Variants in COLGALT2 observed in about 807,000 individuals in gnomAD.
COLGALT2 encodes collagen beta(1-O)galactosyltransferase 2.
In COLGALT2, 49 loss-of-function variants were observed where a neutral mutation model predicts 73.4. The observed-to-expected ratio is 0.67, with a 90% CI of 0.53 to 0.85. COLGALT2 has a LOEUF of 0.85. Among genes scored for constraint, COLGALT2 ranks in the 40% least tolerant of loss-of-function variants. COLGALT2 has a pLI of 0.00. For synonymous variants in COLGALT2, 295 were observed against 307.6 expected, an observed-to-expected ratio of 0.96 and a Z score of 0.43; for missense variants, 722 against 790.2, an observed-to-expected ratio of 0.91 and a Z score of 1.03.
intron 1 of COLGALT2, among the ~76,000 whole-genome samples, chr1:183,979,302 T>G (rs538651735): frequency 4.6e-5 from 7 of 152,098 alleles, no homozygotes; most frequent in South Asian, 2.1e-4. Context: ...AATGAAGAGA[T>G]AATGAAATGA....
At chr1:184,027,769 G>A (rs1649373582) in intron 1 of COLGALT2, among the ~76,000 whole-genome samples, 1 of 152,176 alleles carries the variant, frequency 6.6e-6, no homozygotes, top group Non-Finnish European at 1.5e-5. Flanking sequence ...GCTTACAATG[G>A]AAACCAACGT....
chr1:184,033,118 C>G (rs1361282002), intron 1 of COLGALT2, among the ~76,000 whole-genome samples: 3 of 152,210 alleles, frequency 2.0e-5, no homozygotes, highest in Non-Finnish European at 4.4e-5. Flanking sequence ...CTGTGAATCC[C>G]AACTGTCTTC....
At chr1:183,969,236 C>T in intron 5 of COLGALT2, 33 bp downstream of exon 5, 1 of 1,555,738 alleles carries the variant, frequency 6.4e-7, no homozygotes, top group Non-Finnish European at 8.8e-7. Flanking sequence ...GCTGTGTCTC[C>T]ATTGTGGCAC....
chr1:183,931,135 T>C (rs1669836707), downstream of COLGALT2, among the ~76,000 whole-genome samples: 1 of 152,174 alleles, frequency 6.6e-6, no homozygotes, highest in African/African-American at 2.4e-5. Context: ...TGCCCAAGTT[T>C]TAGGGACAGA....
chr1:183,963,788 C>A (rs951365270), intron 6 of COLGALT2, 113 bp downstream of exon 6: 1 of 1,145,390 alleles, frequency 8.7e-7, no homozygotes. Flanking sequence ...ATGTATTCAG[C>A]CAGGGGAGAC....
chr1:183,951,168 G>C, intron 7 of COLGALT2, 55 bp from the exon 8 acceptor site: 1 of 1,304,910 alleles, frequency 7.7e-7, no homozygotes, highest in South Asian at 1.2e-5. Flanking sequence ...TCTTCTTTTA[G>C]GCTGTTTGAA....
downstream of COLGALT2, among the ~76,000 whole-genome samples, chr1:183,933,266 C>CAG (rs773521617): frequency 2.0e-5 from 3 of 152,148 alleles, no homozygotes; most frequent in Non-Finnish European, 1.5e-5. Flanking sequence ...CTCTTCTCCC[C>CAG]ACTCCTTGCA....
At chr1:183,954,568 A>G (rs1238443904) in intron 7 of COLGALT2, among the ~76,000 whole-genome samples, 194 bp downstream of exon 7, 1 of 152,272 alleles carries the variant, frequency 6.6e-6, no homozygotes, top group Non-Finnish European at 1.5e-5. Flanking sequence ...TACATTTATC[A>G]TGATACTCCT....
At chr1:184,014,256 A>G (rs1465798571) in intron 1 of COLGALT2, among the ~76,000 whole-genome samples, 1 of 152,222 alleles carries the variant, frequency 6.6e-6, no homozygotes, top group Non-Finnish European at 1.5e-5. Flanking sequence ...TTGAGAAATG[A>G]GTAAGCCAAA....
In COLGALT2 at chr1:183,936,525, A is replaced by G; in HGVS notation, c.*2236T>C. The G allele has an allele frequency of 2.0e-6, 2 of 1,009,816 alleles. No individual in the cohort carries two copies. Among genetic ancestry groups the G allele is most frequent in the Non-Finnish European group, 2.4e-6 (2 of 843,794 alleles). The allele number at this position is 1,009,816 out of a possible 1,614,324, so 62.6% of individuals were successfully genotyped here. On this transcript the variant is annotated 3_prime_UTR_variant, in exon 12 of 12. Coordinates refer to ENST00000361927, the MANE Select transcript of COLGALT2 (RefSeq NM_015101.4). ...TCAGACCAGCTGACAGGGGAACAGG[A>G]AAAAAAAAATTCTCTATTAAACAAA... is the stretch of plus-strand genomic sequence containing the variant.
chr1:183,939,545 G>A lies in COLGALT2; in HGVS notation c.1605-508C>T, dbSNP rs578253215. The stretch of plus-strand genomic sequence containing the variant: ...TTGGCCTCCCTCTCAGGGCTCCTGT[G>A]CAGAGTACATGAGGTGACATCTGAA... On this transcript the variant is annotated intron_variant, in intron 11 of 11. Coordinates refer to ENST00000361927, the MANE Select transcript of COLGALT2 (RefSeq NM_015101.4). Among the ~76,000 whole-genome samples the A allele has an allele frequency of 6.6e-4, 100 of 152,314 alleles. 1 individual carries two copies. Among genetic ancestry groups the A allele is most frequent in the African/African-American group, 2.1e-3 (87 of 41,568 alleles).
chr1:183,934,812 T>C (rs1312691455), downstream of COLGALT2, among the ~76,000 whole-genome samples: 1 of 152,206 alleles, frequency 6.6e-6, no homozygotes, highest in Non-Finnish European at 1.5e-5. Flanking sequence ...AGTGGGAATA[T>C]TTCTTGTTTT....
intron 1 of COLGALT2, among the ~76,000 whole-genome samples, chr1:184,003,463 T>A (rs1671984310): frequency 6.6e-6 from 1 of 152,172 alleles, no homozygotes; most frequent in South Asian, 2.1e-4. Flanking sequence ...TGTCTTCAAA[T>A]CCGTCCAGTC....
chr1:183,935,465 A>G (rs970767029), downstream of COLGALT2, among the ~76,000 whole-genome samples: 1 of 152,086 alleles, frequency 6.6e-6, no homozygotes, highest in African/African-American at 2.4e-5. Context: ...TGCTGCTGTT[A>G]TTTTTCCCCA....
chr1:184,003,436 C>A (rs945678185), intron 1 of COLGALT2, among the ~76,000 whole-genome samples: 7 of 152,176 alleles, frequency 4.6e-5, no homozygotes, highest in African/African-American at 1.7e-4. Context: ...CCGATAGATG[C>A]TCTGCTCAAT....
chr1:183,970,272 T>G, intron 4 of COLGALT2, among the ~76,000 whole-genome samples: 1 of 152,146 alleles, frequency 6.6e-6, no homozygotes, highest in East Asian at 1.9e-4. Context: ...TGAAGATATA[T>G]CTCAACAAAA....
In COLGALT2 at chr1:183,937,925, C is replaced by G. The variant is rs1026503715; in HGVS notation, c.*836G>C. On this transcript the variant is annotated 3_prime_UTR_variant, in exon 12 of 12. Coordinates refer to ENST00000361927, the MANE Select transcript of COLGALT2 (RefSeq NM_015101.4). ...GAAGCTCTGTAGCAGCGCGCAAACC[C>G]GGGACAGGGCAGGATGCACAGCCAG... is the stretch of plus-strand genomic sequence containing the variant. The G allele has an allele frequency of 2.1e-5, 21 of 985,236 alleles. No individual in the cohort carries two copies. Among genetic ancestry groups the G allele is most frequent in the Non-Finnish European group, 2.4e-5 (20 of 829,946 alleles). 61.0% of individuals were successfully genotyped at this position (985,236 alleles called of 1,614,324 possible). A position where few individuals can be genotyped will look rare whatever the true frequency, so the allele number is the denominator to read the frequency against.
intron 2 of COLGALT2, among the ~76,000 whole-genome samples, chr1:183,976,920 A>G (rs928018760): frequency 6.6e-6 from 1 of 152,204 alleles, no homozygotes; most frequent in South Asian, 2.1e-4. Context: ...AAAGAAGGAA[A>G]GGGTCTTCCA....
chr1:183,975,270 T>A (rs892365315), intron 2 of COLGALT2, 56 bp from the exon 3 acceptor site: 2 of 1,064,232 alleles, frequency 1.9e-6, no homozygotes, highest in African/African-American at 3.2e-5. Context: ...CCAGGCTCTG[T>A]CCTAAATGTT....
Sources: gnomAD v4.1 joint callset for allele counts (sites outside exome capture counted in the v4.1 genomes callset) on GRCh38, gnomAD v4.1.1 for gene constraint, MANE v1.5 for transcripts, NCBI Gene and HGNC (gene_info 2026-07-23, HGNC 2026-07-21) for gene names.